The following FLACC1 variants were observed in gnomAD, a reference collection of about 807,000 sequenced individuals.
The protein encoded by FLACC1 is flagellum associated containing coiled-coil domains 1.
In FLACC1, 66 loss-of-function variants were observed where a neutral mutation model predicts 62.8. The ratio of observed to expected loss-of-function variants is 1.05; its 90% CI spans 0.86 to 1.29. The LOEUF (loss-of-function observed/expected upper bound fraction) is 1.29, where lower values mean the gene tolerates loss of function less well. Among genes scored for constraint, FLACC1 ranks in the 50% most tolerant of loss-of-function variants. The pLI, the probability that FLACC1 is intolerant of heterozygous loss-of-function variation, is 0.00. For synonymous variants in FLACC1, 156 were observed against 161.0 expected (o/e 0.97, Z 0.24); for missense variants, 452 against 489.1 (o/e 0.92, Z 0.71).
At chr2:201,317,747 G>T (rs1017424932) in intron 9 of FLACC1, among the ~76,000 whole-genome samples, 2 of 151,878 alleles carry the variant, frequency 1.3e-5, no homozygotes, top group Admixed American at 1.3e-4. Flanking sequence ...GCCAAAGCAA[G>T]ACTAAGCAAA....
chr2:201,312,539 C>A (rs1186157995), intron 9 of FLACC1, among the ~76,000 whole-genome samples: 1 of 152,106 alleles, frequency 6.6e-6, no homozygotes, highest in Non-Finnish European at 1.5e-5. Flanking sequence ...AAACTACCAA[C>A]ATCATTTTTC....
At chr2:201,350,445 C>G (rs12693936) in intron 3 of FLACC1, among the ~76,000 whole-genome samples, 82,079 of 151,680 alleles carry the variant, frequency 0.54, 22,344 homozygotes, top group South Asian at 0.6. Context: ...TTGGGAGGCT[C>G]AGGCGGGTGG....
chr2:201,291,469 A>T (rs960859188), intron 12 of FLACC1, among the ~76,000 whole-genome samples: 1 of 152,234 alleles, frequency 6.6e-6, no homozygotes, highest in African/African-American at 2.4e-5. Flanking sequence ...GAGGGTCCTG[A>T]CTGTTAGAAG....
At position 201,309,071 on chromosome 2, in the gene FLACC1, C is replaced by A. The variant is rs1190437557; in HGVS notation, c.775+80G>T. 5 of 1,259,588 alleles carry A rather than the reference C, an allele frequency of 4.0e-6. No individual in the cohort carries two copies. In the African/African-American group the frequency reaches 5.9e-5, roughly 15 times the overall value. The allele number at this position is 1,259,588 out of a possible 1,614,324, so 78.0% of individuals were successfully genotyped here. A position where few individuals can be genotyped will look rare whatever the true frequency, so the allele number is the denominator to read the frequency against. On this transcript the variant is annotated intron_variant, in intron 10 of 14. Transcript: ENST00000392257. ...ATCACCCTTGGTAAGCCCAAGGCCA[C>A]CTTCCTCAAGTCAAGACCAAACTTC...
intron 9 of FLACC1, among the ~76,000 whole-genome samples, chr2:201,323,614 T>C (rs1950444821): frequency 6.6e-6 from 1 of 151,944 alleles, no homozygotes; most frequent in South Asian, 2.1e-4. Context: ...GGCAAAACCC[T>C]GTCTTTACTA....
intron 12 of FLACC1, among the ~76,000 whole-genome samples, chr2:201,298,595 C>T (rs1467780459): frequency 6.6e-6 from 1 of 152,230 alleles, no homozygotes; most frequent in Non-Finnish European, 1.5e-5. Context: ...TAGGACACCA[C>T]AGTCTGTTTG....
At chr2:201,335,810 G>C (rs1298178092) in intron 7 of FLACC1, among the ~76,000 whole-genome samples, 1 of 152,042 alleles carries the variant, frequency 6.6e-6, no homozygotes, top group Non-Finnish European at 1.5e-5. Context: ...CATGAACATG[G>C]AATATCTTTC....
At chr2:201,299,401 C>A (rs1949932397) in intron 11 of FLACC1, 101 bp from the exon 12 acceptor site, 1 of 922,328 alleles carries the variant, frequency 1.1e-6, no homozygotes, top group Non-Finnish European at 1.7e-6. Flanking sequence ...TAATATTCAC[C>A]AAAGCTTAGA....
intron 12 of FLACC1, among the ~76,000 whole-genome samples, chr2:201,296,781 C>G (rs138593274): frequency 6.6e-6 from 1 of 152,188 alleles, no homozygotes; most frequent in Non-Finnish European, 1.5e-5. Flanking sequence ...CTGGTGGCAC[C>G]TGAGAGGACA....
rs530231965 is a variant in FLACC1 at position 201,333,540 on chromosome 2, G to A, written c.525-2707C>T. 6.6e-5 allele frequency among the ~76,000 whole-genome samples: 10 copies of A among 150,806 alleles called. No individual in the cohort carries two copies. In the East Asian group the frequency reaches 2.0e-3, roughly 29 times the overall value. ...TTTAGCATTAGGTATATCTCCAAAT[G>A]CTATACCTCCCCCCTCCCCCCACCC... On this transcript the variant is annotated intron_variant, in intron 7 of 14. Transcript: ENST00000392257.
rs374311664 is a variant in FLACC1, at chr2:201,309,137, G to T, written c.775+14C>A. 59 of 1,605,310 alleles carry T rather than the reference G, an allele frequency of 3.7e-5. No individual in the cohort carries two copies. The highest frequency in any genetic ancestry group is 5.0e-5 in the Non-Finnish European group (59 of 1,172,238). On this transcript the variant is annotated intron_variant, in intron 10 of 14. Transcript: ENST00000392257. ...TGCACTTGTCATCAAAAAAGCTAGAGTTTCTGTACTCACTTTGCTGTAGCA... is the reference window on the plus strand; with the variant it reads ...TGCACTTGTCATCAAAAAAGCTAGATTTTCTGTACTCACTTTGCTGTAGCA...
At chr2:201,353,699 C>T (rs781547272) in intron 1 of FLACC1, among the ~76,000 whole-genome samples, 6 of 152,076 alleles carry the variant, frequency 3.9e-5, no homozygotes, top group Non-Finnish European at 5.9e-5. Flanking sequence ...GCGATTCTCC[C>T]GCCTCAGCCT....
chr2:201,299,004 T>C (rs923354020), intron 12 of FLACC1, among the ~76,000 whole-genome samples: 2 of 152,222 alleles, frequency 1.3e-5, no homozygotes, highest in African/African-American at 4.8e-5. Flanking sequence ...GATCACATAG[T>C]ATATTGCTGA....
At chr2:201,355,234 G>A (rs1210754748) in intron 1 of FLACC1, among the ~76,000 whole-genome samples, 2 of 150,944 alleles carry the variant, frequency 1.3e-5, no homozygotes, top group African/African-American at 2.4e-5. Context: ...GCAGTGAGCC[G>A]AGATCTCACC....
At chr2:201,306,021 C>T (rs563590398) in intron 11 of FLACC1, among the ~76,000 whole-genome samples, 11 of 151,078 alleles carry the variant, frequency 7.3e-5, no homozygotes, top group Admixed American at 6.6e-4. Flanking sequence ...CAACATGGCA[C>T]ATGTATACAT....
At chr2:201,293,561 A>G (rs555282815) in intron 12 of FLACC1, among the ~76,000 whole-genome samples, 6 of 152,360 alleles carry the variant, frequency 3.9e-5, no homozygotes, top group South Asian at 2.1e-4. Context: ...TGCCCACAAG[A>G]GAAAGCAGGA....
chr2:201,358,716 C>T (rs1287602992), upstream of FLACC1, among the ~76,000 whole-genome samples: 3 of 151,968 alleles, frequency 2.0e-5, no homozygotes, highest in East Asian at 1.9e-4. Flanking sequence ...TGCGCCCGGC[C>T]GCCCAGCTAA....
In FLACC1 at chr2:201,342,436, A is replaced by G; in HGVS notation, c.463-5T>C. The G allele has an allele frequency of 1.2e-6, 2 of 1,614,206 alleles. No homozygotes were observed. Among genetic ancestry groups the G allele is most frequent in the Non-Finnish European group, 1.7e-6 (2 of 1,180,036 alleles). Reference sequence around the variant, plus strand: ...GAGATCCATTTCACTGGAGAGCTGGAAACAAAATCAGCATCTACAACACAG... The same window carrying G: ...GAGATCCATTTCACTGGAGAGCTGGGAACAAAATCAGCATCTACAACACAG... On this transcript the variant is annotated splice_region_variant and splice_polypyrimidine_tract_variant and intron_variant, in intron 6 of 14. Transcript: ENST00000392257.
intron 9 of FLACC1, among the ~76,000 whole-genome samples, chr2:201,318,550 A>G (rs1950344329): frequency 6.6e-6 from 1 of 152,132 alleles, no homozygotes; most frequent in Non-Finnish European, 1.5e-5. Context: ...ATGAGATACC[A>G]CCTTACTCCT....
Sources: allele counts gnomAD v4.1 joint callset (sites outside exome capture counted in the v4.1 genomes callset), GRCh38; gene constraint gnomAD v4.1.1; transcripts MANE v1.5; gene names NCBI Gene and HGNC (gene_info 2026-07-23, HGNC 2026-07-21).